The following CIB4 variants were observed in gnomAD, a reference collection of about 807,000 sequenced individuals.
CIB4 encodes the protein calcium and integrin-binding family member 4.
CIB4 carries 25 observed loss-of-function variants against 25.8 expected under a neutral mutation model. That is an observed-to-expected ratio of 0.97 (90% CI 0.71 to 1.35). The LOEUF is 1.35. Among genes scored for constraint, CIB4 ranks in the 40% most tolerant of loss-of-function variants. CIB4 has a pLI of 0.00. For synonymous variants in CIB4, 75 were observed against 81.4 expected (o/e 0.92, Z 0.42); for missense variants, 235 against 228.2 (o/e 1.03, Z -0.19).
At chr2:26,619,062 C>T (rs888357487) in intron 3 of CIB4, among the ~76,000 whole-genome samples, 1 of 152,336 alleles carries the variant, frequency 6.6e-6, no homozygotes, top group East Asian at 1.9e-4. Flanking sequence ...TGACCGAACT[C>T]GGTGCACAAC....
intron 6 of CIB4, 33 bp downstream of exon 6, chr2:26,582,792 C>T: frequency 7.0e-7 from 1 of 1,424,294 alleles, no homozygotes; most frequent in Non-Finnish European, 9.9e-7. Context: ...CACCACTCTC[C>T]TGGACAGTCT....
chr2:26,584,484 G>C (rs1668412680), intron 4 of CIB4, among the ~76,000 whole-genome samples: 1 of 152,206 alleles, frequency 6.6e-6, no homozygotes, highest in Admixed American at 6.5e-5. Context: ...GCAGTGAAGG[G>C]GGACAATGGT....
At chr2:26,640,635 C>T (rs114010635) in intron 1 of CIB4, 68 bp from the exon 2 acceptor site, 21,125 of 1,507,200 alleles carry the variant, frequency 0.014, 216 homozygotes, top group Non-Finnish European at 0.016. Context: ...TGGGGAGTGG[C>T]GCAATTCAGA....
chr2:26,616,302 C>A (rs1222020249), intron 3 of CIB4, among the ~76,000 whole-genome samples: 1 of 152,128 alleles, frequency 6.6e-6, no homozygotes, highest in African/African-American at 2.4e-5. Context: ...CCTGGGTGAG[C>A]GAAGAGTGGA....
chr2:26,629,815 A>G (rs1669382066), intron 2 of CIB4, among the ~76,000 whole-genome samples: 1 of 152,206 alleles, frequency 6.6e-6, no homozygotes, highest in Non-Finnish European at 1.5e-5. Context: ...ACACTCTACG[A>G]GGGTTCATCA....
In CIB4 at chr2:26,590,258, T is replaced by TAAAAAAAAAAAAAAAAAAAA. The variant is rs869097756; in HGVS notation, c.328+4898_328+4917dup. On this transcript the variant is annotated intron_variant, in intron 4 of 6. Transcript: ENST00000288861. ...CCTGGAGCTGGGGCCCAAGCATCTG[T>TAAAAAAAAAAAAAAAAAAAA]AAAAAAAAAAAAAAAAAAAAAAAAA... 1.3e-4 allele frequency among the ~76,000 whole-genome samples: 8 copies of TAAAAAAAAAAAAAAAAAAAA among 61,830 alleles called. 2 individuals carry two copies. The Admixed American group carries it at 2.2e-3, about 17-fold the overall frequency. The allele number at this position is 61,830 out of a possible 152,430, so 40.6% of individuals were successfully genotyped here. A position where few individuals can be genotyped will look rare whatever the true frequency, so the allele number is the denominator to read the frequency against.
intron 5 of CIB4, 84 bp downstream of exon 5, chr2:26,583,705 G>A: frequency 1.2e-6 from 1 of 868,716 alleles, no homozygotes; most frequent in Admixed American, 1.7e-5. Context: ...TCCCAAGAGG[G>A]TGGCCTGACA....
intron 3 of CIB4, among the ~76,000 whole-genome samples, chr2:26,618,192 C>G (rs919682326): frequency 1.1e-4 from 17 of 152,194 alleles, no homozygotes; most frequent in African/African-American, 4.1e-4. Flanking sequence ...ATTCTAACAC[C>G]CTCCACATGT....
At chr2:26,595,036 C>A (rs1437557798) in intron 4 of CIB4, 140 bp downstream of exon 4, 7 of 759,406 alleles carry the variant, frequency 9.2e-6, no homozygotes, top group African/African-American at 1.7e-5. Context: ...ATGGTACATG[C>A]AAAATATGAC....
intron 3 of CIB4, among the ~76,000 whole-genome samples, chr2:26,626,974 G>A (rs1309947481): frequency 1.3e-5 from 2 of 152,148 alleles, no homozygotes; most frequent in African/African-American, 4.8e-5. Context: ...TATAGATGGG[G>A]GGATATACAT....
In CIB4 at chr2:26,583,790, T is replaced by G. The variant is rs1668397675; in HGVS notation, c.437A>C (p.His146Pro). Residue 146 changes from histidine to proline, a missense_variant and splice_region_variant, in exon 5 of 7, where the codon CAC becomes CCC. By Grantham distance (77) the His-to-Pro change is moderately conservative (BLOSUM62 -2). Coordinates refer to ENST00000288861, the MANE Select transcript of CIB4 (RefSeq NM_001029881.3). Reference protein sequence around the residue: ...SEDLLMDLTNHVLSESDLDND... With the variant: ...SEDLLMDLTNPVLSESDLDND... ...CAACTCCCAGCCCCCAGCACACACG[T>G]GGTTCGTGAGGTCCATCAGGAGGTC... 1 of 1,598,312 alleles carries G rather than the reference T, an allele frequency of 6.3e-7. No homozygotes were observed.
intron 3 of CIB4, among the ~76,000 whole-genome samples, chr2:26,616,849 T>C (rs1669101808): frequency 1.3e-5 from 2 of 151,756 alleles, no homozygotes; most frequent in South Asian, 4.2e-4. Context: ...CCCGAGAAGA[T>C]GAAGAGATAT....
At chr2:26,593,524 T>A (rs1239125215) in intron 4 of CIB4, among the ~76,000 whole-genome samples, 1 of 152,132 alleles carries the variant, frequency 6.6e-6, no homozygotes, top group Non-Finnish European at 1.5e-5. Flanking sequence ...ACTAATACAG[T>A]TATAATAGCT....
chr2:26,630,384 C>T (rs1669394462), intron 2 of CIB4, among the ~76,000 whole-genome samples: 1 of 152,170 alleles, frequency 6.6e-6, no homozygotes, highest in Admixed American at 6.5e-5. Context: ...GATCCCAGAA[C>T]CTGAACTGCT....
At chr2:26,626,400 C>CAAAAAAAAAAAAAAAAAAAAAAAAAA (rs34258205) in intron 3 of CIB4, among the ~76,000 whole-genome samples, 1 of 127,568 alleles carries the variant, frequency 7.8e-6, no homozygotes, top group Non-Finnish European at 1.7e-5. Context: ...AAGCAACATA[C>CAAAAAAAAAAAAAAAAAAAAAAAAAA]AAAAAAAAAA....
At position 26,606,800 on chromosome 2, in the gene CIB4, C is replaced by T. The variant is rs112915888; in HGVS notation, c.187-11483G>A. On this transcript the variant is annotated intron_variant, in intron 3 of 6. Coordinates refer to ENST00000288861, the MANE Select transcript of CIB4 (RefSeq NM_001029881.3). Reference sequence around the variant, plus strand: ...AGCCCCTGTGTTTGAGATGCTCAACCTTCCTGAAGTCTAAAAACAGAGAGG... The same window carrying T: ...AGCCCCTGTGTTTGAGATGCTCAACTTTCCTGAAGTCTAAAAACAGAGAGG... Among the ~76,000 whole-genome samples, 1,090 of 152,270 alleles carry T rather than the reference C, an allele frequency of 7.2e-3. 16 individuals carry two copies. The highest frequency in any genetic ancestry group is 0.025 in the African/African-American group (1,024 of 41,544).
intron 3 of CIB4, among the ~76,000 whole-genome samples, chr2:26,599,714 A>C (rs1668746263): frequency 1.3e-5 from 2 of 152,052 alleles, no homozygotes; most frequent in South Asian, 4.1e-4. Flanking sequence ...TTTAGACTTC[A>C]TTTAGTGTTT....
chr2:26,618,078 A>G (rs1428900562), intron 3 of CIB4, among the ~76,000 whole-genome samples: 1 of 152,164 alleles, frequency 6.6e-6, no homozygotes, highest in Non-Finnish European at 1.5e-5. Context: ...GGTGGAGGCC[A>G]TGACACAGCT....
At chr2:26,610,377 C>T (rs767574129) in intron 3 of CIB4, among the ~76,000 whole-genome samples, 14 of 152,238 alleles carry the variant, frequency 9.2e-5, no homozygotes, top group Non-Finnish European at 1.0e-4. Context: ...CTCCCCCTGC[C>T]CACCCACTGC....
Sources: allele counts gnomAD v4.1 joint callset (sites outside exome capture counted in the v4.1 genomes callset), GRCh38; gene constraint gnomAD v4.1.1; transcripts MANE v1.5; gene names NCBI Gene and HGNC (gene_info 2026-07-23, HGNC 2026-07-21).